Variants in UXS1 observed in about 807,000 individuals in gnomAD.
The protein encoded by UXS1 is UDP-glucuronate decarboxylase 1.
UXS1 carries 33 observed loss-of-function variants against 62.6 expected under a neutral mutation model. The observed-to-expected ratio is 0.53, with a 90% confidence interval of 0.40 to 0.70. UXS1 has a LOEUF of 0.70. UXS1 is among the 30% of genes least tolerant of loss of function. The probability of loss-of-function intolerance (pLI) is 0.00; values close to 1 mark genes in which losing one functional copy is unlikely to be tolerated. For synonymous variants in UXS1, 213 were observed against 206.8 expected (o/e 1.03, Z -0.26); for missense variants, 434 against 556.3 (o/e 0.78, Z 2.21).
chr2:106,137,779 G>A (rs1423723153), intron 6 of UXS1, among the ~76,000 whole-genome samples: 1 of 151,800 alleles, frequency 6.6e-6, no homozygotes, highest in Non-Finnish European at 1.5e-5. Context: ...TGGACAACAA[G>A]AGCAAAACTC....
At chr2:106,167,598 A>T (rs2889641) in intron 1 of UXS1, among the ~76,000 whole-genome samples, 1 of 152,126 alleles carries the variant, frequency 6.6e-6, no homozygotes, top group Non-Finnish European at 1.5e-5. Context: ...AACAGAGGAG[A>T]AAACTTGGTT....
In UXS1 at chr2:106,104,798, C is replaced by T. The variant is rs370399666; in HGVS notation, c.919G>A (p.Val307Ile). 1.9e-5 allele frequency: 30 copies of T among 1,613,878 alleles called. No homozygotes were observed. The highest frequency in any genetic ancestry group is 2.3e-5 in the Non-Finnish European group (27 of 1,179,896). Residue 307 changes from valine (V) to isoleucine (I), a missense_variant, in exon 11 of 15, where the codon GTC becomes ATC. Around this residue, in one of 3 missense-constraint regions of UXS1, gnomAD observed 209 missense variants for 233.3 expected, o/e 0.90. Coordinates refer to ENST00000283148, the MANE Select transcript of UXS1 (RefSeq NM_001253875.2). The stretch of plus-strand genomic sequence containing the variant: ...GGCAGGGCAGGACAGTCTTACCTGA[C>T]GTACTGGAACGCCCTTGTCTGAGAC... ...SGSQTRAFQY[V>I]SDLVNGLVAL...
intron 1 of UXS1, among the ~76,000 whole-genome samples, chr2:106,174,929 G>T (rs1043586377): frequency 4.6e-5 from 7 of 152,180 alleles, no homozygotes; most frequent in African/African-American, 1.7e-4. Flanking sequence ...AAGGGCTCCA[G>T]ATTCCTTCCC....
intron 7 of UXS1, among the ~76,000 whole-genome samples, chr2:106,129,067 T>C (rs755647941): frequency 2.6e-5 from 4 of 152,232 alleles, no homozygotes; most frequent in African/African-American, 9.6e-5. Flanking sequence ...TACCCACTGC[T>C]ATAAATCTAA....
At chr2:106,167,808 T>C (rs559532754) in intron 1 of UXS1, among the ~76,000 whole-genome samples, 11 of 152,300 alleles carry the variant, frequency 7.2e-5, no homozygotes, top group African/African-American at 2.4e-4. Flanking sequence ...CCTACTGGGC[T>C]ACATTCCCAG....
intron 13 of UXS1, among the ~76,000 whole-genome samples, chr2:106,098,415 C>T (rs1349334084): frequency 6.6e-6 from 1 of 152,166 alleles, no homozygotes; most frequent in Non-Finnish European, 1.5e-5. Flanking sequence ...TTCGGAAATC[C>T]AATAGTTGTC....
intron 9 of UXS1, among the ~76,000 whole-genome samples, chr2:106,117,026 GCTA>G (rs1052354955): frequency 1.2e-4 from 18 of 152,154 alleles, no homozygotes; most frequent in African/African-American, 3.9e-4. Flanking sequence ...CCTGGCTGGG[GCTA>G]CTGTCTGCAC....
At chr2:106,109,379 TG>T (rs1327546278) in intron 10 of UXS1, among the ~76,000 whole-genome samples, 12 of 152,184 alleles carry the variant, frequency 7.9e-5, no homozygotes, top group Admixed American at 3.3e-4. Flanking sequence ...AGCTTTGAAT[TG>T]GTCTTAGAAG....
At chr2:106,126,409 C>T (rs1392918368) in intron 7 of UXS1, among the ~76,000 whole-genome samples, 2 of 152,042 alleles carry the variant, frequency 1.3e-5, no homozygotes, top group African/African-American at 2.4e-5. Context: ...CACCCCCAAT[C>T]GCCACTACAC....
At chr2:106,130,478 C>A (rs1272051308) in intron 6 of UXS1, among the ~76,000 whole-genome samples, 1 of 152,210 alleles carries the variant, frequency 6.6e-6, no homozygotes, top group Non-Finnish European at 1.5e-5. Flanking sequence ...GGAATGCCAT[C>A]CTTCCAGACA....
At chr2:106,157,823 C>T (rs1682559856) in intron 5 of UXS1, among the ~76,000 whole-genome samples, 1 of 152,044 alleles carries the variant, frequency 6.6e-6, no homozygotes, top group African/African-American at 2.4e-5. Context: ...TAGTGGTTTC[C>T]CAGAGCTGGC....
At position 106,112,643 on chromosome 2, in the gene UXS1, T is replaced by A. The variant is rs762207479; in HGVS notation, c.879+3A>T. ...TGCTCCCTGAGCCGAGGCCAGCACC[T>A]ACCGTGAGTGGCTCCCCCTGGAGCG... On this transcript the variant is annotated splice_donor_region_variant and intron_variant, in intron 10 of 14. Coordinates refer to ENST00000283148, the MANE Select transcript of UXS1 (RefSeq NM_001253875.2). 1 of 1,613,762 alleles carries A rather than the reference T, an allele frequency of 6.2e-7. No homozygotes were observed. Among genetic ancestry groups the A allele is most frequent in the African/African-American group, 1.3e-5 (1 of 74,938 alleles).
intron 5 of UXS1, 97 bp downstream of exon 5, chr2:106,157,961 C>A (rs952528746): frequency 9.1e-7 from 1 of 1,100,470 alleles, no homozygotes; most frequent in Middle Eastern, 2.9e-4. Flanking sequence ...TGAATCGTAT[C>A]TTTGAGAAGC....
At chr2:106,106,497 T>C (rs17032398) in intron 10 of UXS1, among the ~76,000 whole-genome samples, 31,564 of 152,168 alleles carry the variant, frequency 0.21, 3,852 homozygotes, top group East Asian at 0.46. Flanking sequence ...GTATCAGTTC[T>C]ATCTATGTAG....
At chr2:106,162,506 G>A (rs537244843) in intron 4 of UXS1, among the ~76,000 whole-genome samples, 11 of 152,188 alleles carry the variant, frequency 7.2e-5, no homozygotes, top group African/African-American at 2.4e-4. Flanking sequence ...AAAATGTGTG[G>A]TGGGTTATTT....
intron 1 of UXS1, among the ~76,000 whole-genome samples, chr2:106,181,052 G>C (rs575289641): frequency 6.6e-6 from 1 of 152,158 alleles, no homozygotes; most frequent in Admixed American, 6.5e-5. Context: ...CTGATGGAAC[G>C]AACAGATACA....
intron 6 of UXS1, among the ~76,000 whole-genome samples, chr2:106,137,499 C>T (rs959003583): frequency 1.3e-5 from 2 of 152,032 alleles, no homozygotes; most frequent in Non-Finnish European, 2.9e-5. Context: ...AGTTGAAAAC[C>T]AAATGAGGGC....
rs761373645 is a variant in UXS1 at position 106,145,196 on chromosome 2, T to C, written c.466A>G (p.Ile156Val). 1.2e-6 allele frequency: 2 copies of C among 1,613,316 alleles called. No homozygotes were observed. The highest frequency in any genetic ancestry group is 1.1e-5 in the South Asian group (1 of 90,944). The part of the protein sequence containing the change: ...INHDVVEPLY[I>V]EVDQIYHLAS... ...ATGTGCAGTTTTCACTCACCCTCGA[T>C]GTAGAGGGGCTCCACCACGTCGTGG... Residue 156 changes from isoleucine (I) to valine (V), a missense_variant, in exon 6 of 15, where the codon ATC becomes GTC. Ile to Val is a conservative substitution (Grantham distance 29). Transcript: ENST00000283148.
At chr2:106,103,801 T>G (rs1365369014) in intron 11 of UXS1, among the ~76,000 whole-genome samples, 1 of 152,182 alleles carries the variant, frequency 6.6e-6, no homozygotes, top group African/African-American at 2.4e-5. Flanking sequence ...CACAAATACT[T>G]TCAGCAAAAA....
Sources: allele counts gnomAD v4.1 joint callset (sites outside exome capture counted in the v4.1 genomes callset), GRCh38; gene constraint gnomAD v4.1.1; regional missense constraint gnomAD v4.1.1; transcripts MANE v1.5; gene names NCBI Gene and HGNC (gene_info 2026-07-23, HGNC 2026-07-21).